Variants in FMN1 observed in about 807,000 individuals in gnomAD.
FMN1 encodes the protein formin-1.
A neutral mutation model predicts 132.4 loss-of-function variants in FMN1; 110 were observed. The ratio of observed to expected loss-of-function variants is 0.83; its 90% confidence interval spans 0.71 to 0.97. FMN1 has a LOEUF of 0.97. Ranked by LOEUF, FMN1 falls within the 50% of genes least tolerant of loss-of-function variation. The pLI, the probability that FMN1 is intolerant of heterozygous loss-of-function variation, is 0.00. For missense variants in FMN1, 1,792 were observed against 1,705.3 expected, an observed-to-expected ratio of 1.05 and a Z score of -0.90; for synonymous variants, 722 against 651.7, an observed-to-expected ratio of 1.11 and a Z score of -1.64.
chr15:33,170,160 T>G (rs1965263664), intron 3 of FMN1, among the ~76,000 whole-genome samples: 1 of 152,068 alleles, frequency 6.6e-6, no homozygotes. Context: ...AGAACATACA[T>G]CAGGGAAAGG....
chr15:33,131,491 A>G (rs1963545191), intron 4 of FMN1, among the ~76,000 whole-genome samples: 1 of 152,226 alleles, frequency 6.6e-6, no homozygotes, highest in South Asian at 2.1e-4. Context: ...AGTCATTGAT[A>G]TACTTTCTCA....
At chr15:32,898,230 C>A (rs966214415) in intron 15 of FMN1, among the ~76,000 whole-genome samples, 1 of 152,180 alleles carries the variant, frequency 6.6e-6, no homozygotes, top group African/African-American at 2.4e-5. Flanking sequence ...CTATTCATAT[C>A]GATTGCTATA....
chr15:33,041,473 C>G (rs343897), intron 6 of FMN1, among the ~76,000 whole-genome samples: 1 of 132,552 alleles, frequency 7.5e-6, no homozygotes, highest in African/African-American at 2.8e-5. Flanking sequence ...CACCAGTAAA[C>G]AAAAAAAAAA....
At chr15:32,886,183 C>T (rs1439364348) in intron 16 of FMN1, among the ~76,000 whole-genome samples, 1 of 152,088 alleles carries the variant, frequency 6.6e-6, no homozygotes, top group Non-Finnish European at 1.5e-5. Context: ...TTACTGGGTA[C>T]CTTTCATGTG....
intron 16 of FMN1, among the ~76,000 whole-genome samples, chr15:32,882,640 TAAA>T (rs370796865): frequency 2.0e-5 from 3 of 152,066 alleles, no homozygotes; most frequent in Non-Finnish European, 1.5e-5. Context: ...ACATGCCAGA[TAAA>T]AAACAGTACA....
intron 4 of FMN1, among the ~76,000 whole-genome samples, chr15:33,123,252 A>G (rs1326128314): frequency 6.6e-6 from 1 of 151,412 alleles, no homozygotes; most frequent in Non-Finnish European, 1.5e-5. Flanking sequence ...ATTTCTGTCC[A>G]CTCTGCTGCT....
Position 32,812,500 on chromosome 15 carries a change from T to C in FMN1, c.3929-8168A>G, listed in dbSNP as rs116886721. Among the ~76,000 whole-genome samples the C allele has an allele frequency of 1.2e-4, 19 of 152,354 alleles. No homozygotes were observed. The East Asian group carries it at 3.3e-3, about 26-fold the overall frequency. The stretch of plus-strand genomic sequence containing the variant: ...TCATTTATGTTTCATATATACTTTA[T>C]ACATAGAGCTTGAAGGTAATTTTAT... On this transcript the variant is annotated intron_variant, in intron 17 of 20. Coordinates refer to ENST00000616417, the MANE Select transcript of FMN1 (RefSeq NM_001277313.2).
At chr15:32,822,096 C>A (rs1391602451) in intron 17 of FMN1, among the ~76,000 whole-genome samples, 1 of 152,130 alleles carries the variant, frequency 6.6e-6, no homozygotes, top group East Asian at 1.9e-4. Context: ...TACCTGTAAT[C>A]CCAGCACTTT....
rs190781509 is a variant in FMN1, at chr15:33,066,741, C to T, written c.2044-1667G>A. ...CCCTGGGTTTGTGGTACTCCAGGGC[C>T]GCTCTGGCTCTCTTGGTCAGCATTG... is the stretch of plus-strand genomic sequence containing the variant. On this transcript the variant is annotated intron_variant, in intron 5 of 20. Coordinates refer to ENST00000616417, the MANE Select transcript of FMN1 (RefSeq NM_001277313.2). 2.0e-4 allele frequency: 318 copies of T among 1,613,940 alleles called. No homozygotes were observed. In the East Asian group the frequency reaches 5.5e-3, roughly 28 times the overall value.
At chr15:32,804,040 C>T (rs753026296) in intron 18 of FMN1, among the ~76,000 whole-genome samples, 2 of 152,028 alleles carry the variant, frequency 1.3e-5, no homozygotes, top group African/African-American at 4.8e-5. Flanking sequence ...ACTGGATGAC[C>T]CCAATTGCAT....
intron 9 of FMN1, among the ~76,000 whole-genome samples, chr15:32,948,733 T>G (rs554672125): frequency 1.3e-3 from 201 of 152,190 alleles, no homozygotes; most frequent in African/African-American, 4.6e-3. Context: ...ATATTACTTA[T>G]GCTTGTTTTG....
intron 3 of FMN1, among the ~76,000 whole-genome samples, chr15:33,172,666 G>A (rs1009535137): frequency 6.6e-6 from 1 of 152,122 alleles, no homozygotes; most frequent in Admixed American, 6.5e-5. Flanking sequence ...TTCACTTTAT[G>A]GATCATAAAT....
intron 16 of FMN1, among the ~76,000 whole-genome samples, chr15:32,879,154 C>A (rs144599216): frequency 6.6e-6 from 1 of 152,336 alleles, no homozygotes; most frequent in African/African-American, 2.4e-5. Context: ...ACATTTTACA[C>A]CCACTGCTTT....
intron 10 of FMN1, among the ~76,000 whole-genome samples, chr15:32,918,188 A>G (rs1369776679): frequency 6.6e-6 from 1 of 152,132 alleles, no homozygotes; most frequent in East Asian, 1.9e-4. Context: ...ATAAAGTCTA[A>G]TTTTCTTGAG....
At chr15:32,839,126 C>T (rs577044790) in intron 17 of FMN1, among the ~76,000 whole-genome samples, 2 of 152,170 alleles carry the variant, frequency 1.3e-5, no homozygotes, top group South Asian at 2.1e-4. Context: ...AGAAAGTGCC[C>T]CCAGATCAAA....
chr15:32,789,989 T>C (rs2057015887), intron 19 of FMN1, among the ~76,000 whole-genome samples: 1 of 152,168 alleles, frequency 6.6e-6, no homozygotes, highest in African/African-American at 2.4e-5. Flanking sequence ...GTTCGCACAA[T>C]GATGAAATCA....
At chr15:33,114,219 T>TA (rs1258254891) in intron 4 of FMN1, among the ~76,000 whole-genome samples, 1 of 152,214 alleles carries the variant, frequency 6.6e-6, no homozygotes, top group African/African-American at 2.4e-5. Context: ...CATGGCCTCC[T>TA]AGGCCAGGCC....
chr15:32,976,129 A>G (rs2032183580), intron 7 of FMN1, among the ~76,000 whole-genome samples: 1 of 152,154 alleles, frequency 6.6e-6, no homozygotes, highest in Admixed American at 6.5e-5. Context: ...GCCAATAAAA[A>G]ATCAGGTTAT....
At chr15:32,803,322 C>T (rs113116484) in intron 18 of FMN1, among the ~76,000 whole-genome samples, 2,585 of 152,124 alleles carry the variant, frequency 0.017, 37 homozygotes, top group Middle Eastern at 0.027. Context: ...ATGAGAATAC[C>T]GCTGTCTATT....
Sources: gnomAD v4.1 joint callset for allele counts (sites outside exome capture counted in the v4.1 genomes callset) on GRCh38, gnomAD v4.1.1 for gene constraint, MANE v1.5 for transcripts, NCBI Gene and HGNC (gene_info 2026-07-23, HGNC 2026-07-21) for gene names.